The following LMNB1 variants were observed in gnomAD, a reference collection of about 807,000 sequenced individuals.
LMNB1 encodes the protein lamin B1.
A neutral mutation model predicts 67.1 loss-of-function variants in LMNB1; 23 were observed. That is an observed-to-expected ratio of 0.34 (90% confidence interval 0.25 to 0.49). The LOEUF is 0.49. Ranked by LOEUF, LMNB1 falls within the 20% of genes least tolerant of loss-of-function variation. The pLI is 0.99. For synonymous variants in LMNB1, 281 were observed against 282.9 expected, an observed-to-expected ratio of 0.99 and a Z score of 0.07; for missense variants, 634 against 746.5, an observed-to-expected ratio of 0.85 and a Z score of 1.76.
intron 10 of LMNB1, among the ~76,000 whole-genome samples, chr5:126,835,687 C>G (rs1398436300): frequency 6.6e-6 from 1 of 152,178 alleles, no homozygotes; most frequent in Non-Finnish European, 1.5e-5. Context: ...ATCAAGGGAC[C>G]TAGATCAGAA....
At chr5:126,789,751 G>A (rs140325416) in intron 1 of LMNB1, among the ~76,000 whole-genome samples, 1,673 of 152,138 alleles carry the variant, frequency 0.011, 32 homozygotes, top group African/African-American at 0.038. Context: ...TTGGCTCACT[G>A]CAACCTCTGC....
At chr5:126,797,672 TTGA>T (rs1751137150) in intron 1 of LMNB1, among the ~76,000 whole-genome samples, 2 of 152,194 alleles carry the variant, frequency 1.3e-5, no homozygotes, top group South Asian at 4.1e-4. Flanking sequence ...CTACATTATA[TTGA>T]TGAATGAAAA....
rs576824648 is a variant in LMNB1, at chr5:126,804,420, A to G, written c.360-356A>G. Reference sequence around the variant, plus strand: ...GTTCCTGTATGTTTTGGCTTATAATATGCATTATATTTAAAAAATGAATTT... The same window carrying G: ...GTTCCTGTATGTTTTGGCTTATAATGTGCATTATATTTAAAAAATGAATTT... On this transcript the variant is annotated intron_variant, in intron 1 of 10. Coordinates refer to ENST00000261366, the MANE Select transcript of LMNB1 (RefSeq NM_005573.4). Among the ~76,000 whole-genome samples the G allele has an allele frequency of 4.1e-4, 63 of 152,034 alleles. 1 individual carries two copies. The highest frequency in any genetic ancestry group is 7.8e-4 in the Non-Finnish European group (53 of 68,018).
intron 1 of LMNB1, among the ~76,000 whole-genome samples, chr5:126,797,834 G>C (rs1049762405): frequency 5.9e-5 from 9 of 152,126 alleles, no homozygotes; most frequent in Admixed American, 2.6e-4. Flanking sequence ...GCAGCACTTC[G>C]GGAGGCTGAG....
chr5:126,822,937 A>C lies in LMNB1; in HGVS notation c.1491+52A>C, dbSNP rs752863894. The C allele has an allele frequency of 2.4e-6, 3 of 1,226,156 alleles. No individual in the cohort carries two copies. In the East Asian group the frequency reaches 7.3e-5, roughly 30 times the overall value. The allele number at this position is 1,226,156 out of a possible 1,614,324, so 76.0% of individuals were successfully genotyped here. A position where few individuals can be genotyped will look rare whatever the true frequency, so the allele number is the denominator to read the frequency against. On this transcript the variant is annotated intron_variant, in intron 8 of 10. Transcript: ENST00000261366. ...TTAACTTCATTGTGTTAACTAACAA[A>C]GTAACTCAAAAAGTTTTTTGGCTAA...
chr5:126,831,400 A>C (rs1752126162), intron 9 of LMNB1, among the ~76,000 whole-genome samples: 1 of 152,256 alleles, frequency 6.6e-6, no homozygotes, highest in South Asian at 2.1e-4. Context: ...TTTCCACAGG[A>C]AAGTAATCTG....
intron 1 of LMNB1, among the ~76,000 whole-genome samples, chr5:126,795,571 TC>T (rs1016612511): frequency 2.0e-4 from 31 of 152,326 alleles, no homozygotes; most frequent in African/African-American, 6.3e-4. Context: ...CTCTAAGAGT[TC>T]CATTGAGGGT....
At chr5:126,829,696 A>G (rs1230699097) in intron 9 of LMNB1, among the ~76,000 whole-genome samples, 2 of 152,142 alleles carry the variant, frequency 1.3e-5, no homozygotes, top group African/African-American at 4.8e-5. Flanking sequence ...TGAGGCACCC[A>G]TCCTGGGCTT....
chr5:126,790,251 G>A (rs982501825), intron 1 of LMNB1, among the ~76,000 whole-genome samples: 4 of 151,926 alleles, frequency 2.6e-5, no homozygotes, highest in Non-Finnish European at 5.9e-5. Flanking sequence ...GATTACAGGC[G>A]TGCACCACCA....
In LMNB1 at chr5:126,819,105, A is replaced by C. The variant is rs762616683; in HGVS notation, c.1123A>C (p.Ser375Arg). 6.2e-7 allele frequency: 1 copy of C among 1,614,186 alleles called. No homozygotes were observed. Among genetic ancestry groups the C allele is most frequent in the Non-Finnish European group, 8.5e-7 (1 of 1,180,022 alleles). ...DVKLALDMEI[S>R]AYRKLLEGEE... ...AAAGTTAGCCCTGGACATGGAAATC[A>C]GTGCTTACAGGAAACTCTTAGAAGG... The change falls in exon 6 of 11, where the codon AGT (serine) becomes CGT (arginine). Residue 375 changes from serine to arginine, a missense_variant. Ser to Arg is a moderately radical substitution (Grantham distance 110). Coordinates refer to ENST00000261366, the MANE Select transcript of LMNB1 (RefSeq NM_005573.4).
intron 1 of LMNB1, among the ~76,000 whole-genome samples, chr5:126,795,138 T>C (rs1751054964): frequency 6.7e-6 from 1 of 150,138 alleles, no homozygotes; most frequent in Non-Finnish European, 1.5e-5. Context: ...TCCTTTTTTT[T>C]TTTTTTTAAA....
chr5:126,800,234 G>A (rs1298040541), intron 1 of LMNB1, among the ~76,000 whole-genome samples: 1 of 152,106 alleles, frequency 6.6e-6, no homozygotes, highest in African/African-American at 2.4e-5. Context: ...AGACAGACAT[G>A]GAATCTTAAA....
At chr5:126,798,011 A>G (rs61074663) in intron 1 of LMNB1, among the ~76,000 whole-genome samples, 1 of 152,126 alleles carries the variant, frequency 6.6e-6, no homozygotes, top group Non-Finnish European at 1.5e-5. Context: ...GTTTGAACCC[A>G]GGAGGTGTAA....
chr5:126,792,262 C>G (rs2112935369), intron 1 of LMNB1, among the ~76,000 whole-genome samples: 1 of 151,974 alleles, frequency 6.6e-6, no homozygotes, highest in African/African-American at 2.4e-5. Flanking sequence ...CCTGCCTCAG[C>G]CTCCCGAGTA....
At chr5:126,823,970 C>G (rs1409283125) in intron 8 of LMNB1, among the ~76,000 whole-genome samples, 1 of 152,178 alleles carries the variant, frequency 6.6e-6, no homozygotes, top group Non-Finnish European at 1.5e-5. Flanking sequence ...TGAGTGTGCT[C>G]TCTATCTCAG....
chr5:126,816,837 G>GAT (rs1751720675), intron 5 of LMNB1, among the ~76,000 whole-genome samples: 1 of 152,188 alleles, frequency 6.6e-6, no homozygotes, highest in African/African-American at 2.4e-5. Context: ...GCACGTATGT[G>GAT]ATAACCACAT....
At chr5:126,798,509 A>T (rs1751169226) in intron 1 of LMNB1, among the ~76,000 whole-genome samples, 1 of 152,208 alleles carries the variant, frequency 6.6e-6, no homozygotes, top group Non-Finnish European at 1.5e-5. Context: ...TGTCTGATGG[A>T]GACATGGGTG....
intron 1 of LMNB1, among the ~76,000 whole-genome samples, chr5:126,791,265 T>A (rs1750950025): frequency 1.3e-5 from 2 of 152,040 alleles, no homozygotes; most frequent in Admixed American, 6.6e-5. Flanking sequence ...CCTTCAGTTG[T>A]TGGAAATTTT....
rs532996700 is a variant in LMNB1, at chr5:126,823,896, G to A, written c.1491+1011G>A. The stretch of plus-strand genomic sequence containing the variant: ...CTCACTATAGCAATTGCTATTATAT[G>A]TCTTATGGAAGCTGTATAATGTGGT... On this transcript the variant is annotated intron_variant, in intron 8 of 10. Transcript: ENST00000261366. Among the ~76,000 whole-genome samples, 519 of 152,180 alleles carry A rather than the reference G, an allele frequency of 3.4e-3. 3 individuals carry two copies. The highest frequency in any genetic ancestry group is 0.012 in the African/African-American group (505 of 41,530).
Sources: gnomAD v4.1 joint callset for allele counts (sites outside exome capture counted in the v4.1 genomes callset) on GRCh38, gnomAD v4.1.1 for gene constraint, MANE v1.5 for transcripts, NCBI Gene and HGNC (gene_info 2026-07-23, HGNC 2026-07-21) for gene names.